Variants in ANXA4 observed in about 807,000 individuals in gnomAD.
ANXA4 encodes the protein 35-beta calcimedin.
ANXA4 carries 39 observed loss-of-function variants against 49.8 expected under a neutral mutation model. The ratio of observed to expected loss-of-function variants is 0.78; its 90% CI spans 0.61 to 1.02. ANXA4 has a LOEUF of 1.02. Ranked by LOEUF, ANXA4 falls within the 50% of genes least tolerant of loss-of-function variation. ANXA4 has a pLI of 0.00. For missense variants in ANXA4, 360 were observed against 410.1 expected (o/e 0.88, Z 1.05); for synonymous variants, 134 against 152.5 (o/e 0.88, Z 0.89).
At chr2:69,760,266 A>C (rs780544387) in intron 1 of ANXA4, among the ~76,000 whole-genome samples, 2 of 152,228 alleles carry the variant, frequency 1.3e-5, no homozygotes, top group Non-Finnish European at 2.9e-5. Flanking sequence ...AACAGTAGTG[A>C]AAAGAGTGAT....
chr2:69,757,508 C>T (rs141724077), intron 1 of ANXA4, among the ~76,000 whole-genome samples: 3,857 of 144,190 alleles, frequency 0.027, 172 homozygotes, highest in African/African-American at 0.093. Context: ...CTCCTGACCT[C>T]GTCATCCGCC....
intron 1 of ANXA4, among the ~76,000 whole-genome samples, chr2:69,773,113 T>C (rs1007273205): frequency 6.6e-6 from 1 of 152,232 alleles, no homozygotes; most frequent in Non-Finnish European, 1.5e-5. Context: ...TATATTACAC[T>C]GTGTGCTGTC....
At chr2:69,812,269 C>A (rs1673739752) in intron 7 of ANXA4, among the ~76,000 whole-genome samples, 1 of 152,078 alleles carries the variant, frequency 6.6e-6, no homozygotes, top group African/African-American at 2.4e-5. Flanking sequence ...ACATGCACAT[C>A]CCGACCCCCT....
At chr2:69,693,367 G>A (rs902314395) in intron 2 of ANXA4, among the ~76,000 whole-genome samples, 5 of 152,122 alleles carry the variant, frequency 3.3e-5, no homozygotes, top group Non-Finnish European at 7.4e-5. Context: ...AGGAAGACAC[G>A]GGAGGTAGCA....
At chr2:69,814,262 A>G (rs1193662136) in intron 8 of ANXA4, among the ~76,000 whole-genome samples, 1 of 152,020 alleles carries the variant, frequency 6.6e-6, no homozygotes, top group Non-Finnish European at 1.5e-5. Context: ...AAGCATTCCA[A>G]TAGAAACAAT....
At chr2:69,724,871 T>A (rs1044012737) in intron 3 of ANXA4, among the ~76,000 whole-genome samples, 1 of 89,042 alleles carries the variant, frequency 1.1e-5, no homozygotes, top group South Asian at 2.9e-4. Flanking sequence ...TTCCTGAGGA[T>A]GGAATTTGAG....
intron 2 of ANXA4, among the ~76,000 whole-genome samples, chr2:69,658,886 C>CGGGGTTTCACCATGTTGGTCAGG (rs1477383732): frequency 6.6e-6 from 1 of 152,016 alleles, no homozygotes; most frequent in Non-Finnish European, 1.5e-5. Context: ...TTAGTAGAGA[C>CGGGGTTTCACCATGTTGGTCAGG]GGGGTTTCAC....
At chr2:69,696,554 T>C (rs770033542) in intron 2 of ANXA4, among the ~76,000 whole-genome samples, 36 of 152,220 alleles carry the variant, frequency 2.4e-4, no homozygotes, top group Non-Finnish European at 2.1e-4. Context: ...TATAATAACA[T>C]CTAAAATGGT....
At chr2:69,716,833 TG>T (rs1461555443) in intron 2 of ANXA4, among the ~76,000 whole-genome samples, 1 of 152,212 alleles carries the variant, frequency 6.6e-6, no homozygotes, top group Admixed American at 6.5e-5. Flanking sequence ...TACATTTAAA[TG>T]GAATTGTCCA....
intron 2 of ANXA4, among the ~76,000 whole-genome samples, chr2:69,689,678 G>T (rs1677899617): frequency 6.6e-6 from 1 of 152,070 alleles, no homozygotes; most frequent in Admixed American, 6.5e-5. Flanking sequence ...GTTCCTTCCT[G>T]TGTGGTTATT....
At chr2:69,775,065 T>G (rs1458783870) in intron 1 of ANXA4, among the ~76,000 whole-genome samples, 11 of 152,234 alleles carry the variant, frequency 7.2e-5, no homozygotes, top group Non-Finnish European at 1.5e-4. Context: ...TTCAGGAAGT[T>G]TATGATACTG....
chr2:69,696,721 G>A (rs577856220), intron 2 of ANXA4, among the ~76,000 whole-genome samples: 12 of 152,222 alleles, frequency 7.9e-5, no homozygotes, highest in Admixed American at 1.3e-4. Context: ...TGGATGTTGT[G>A]TTAGCAGGCA....
At chr2:69,706,494 G>A (rs1252872465) in intron 2 of ANXA4, among the ~76,000 whole-genome samples, 2 of 151,574 alleles carry the variant, frequency 1.3e-5, no homozygotes, top group East Asian at 3.9e-4. Flanking sequence ...AGAGACGGGG[G>A]TTTCGCCAGT....
At chr2:69,814,058 A>G (rs1292098276) in intron 8 of ANXA4, among the ~76,000 whole-genome samples, 3 of 151,584 alleles carry the variant, frequency 2.0e-5, no homozygotes, top group Non-Finnish European at 4.4e-5. Flanking sequence ...GCGCCTGACC[A>G]TAGACCCAGT....
chr2:69,819,146 C>T, intron 10 of ANXA4, 134 bp from the exon 11 acceptor site: 1 of 616,666 alleles, frequency 1.6e-6, no homozygotes, highest in Non-Finnish European at 2.8e-6. Context: ...GTTCATGAAA[C>T]ATTGCTTGGC....
At chr2:69,669,123 T>G (rs12105454) in intron 2 of ANXA4, among the ~76,000 whole-genome samples, 2,660 of 151,472 alleles carry the variant, frequency 0.018, 82 homozygotes, top group African/African-American at 0.059. Context: ...TTTTGTATTT[T>G]TAGTAGAGAT....
intron 2 of ANXA4, among the ~76,000 whole-genome samples, chr2:69,786,043 C>T (rs945337231): frequency 3.3e-5 from 5 of 152,174 alleles, no homozygotes; most frequent in Non-Finnish European, 7.4e-5. Flanking sequence ...TAGACTTATA[C>T]CGTATAACCA....
chr2:69,767,345 C>T (rs1230178594), intron 1 of ANXA4, among the ~76,000 whole-genome samples: 1 of 152,124 alleles, frequency 6.6e-6, no homozygotes, highest in African/African-American at 2.4e-5. Context: ...ATTCAGATAC[C>T]CCGAAGTCAT....
intron 3 of ANXA4, among the ~76,000 whole-genome samples, chr2:69,728,602 T>G (rs1670020991): frequency 6.6e-6 from 1 of 152,224 alleles, no homozygotes; most frequent in Non-Finnish European, 1.5e-5. Flanking sequence ...ATCCAACTGA[T>G]CTAGCATCAT....
Sources: allele counts gnomAD v4.1 joint callset (sites outside exome capture counted in the v4.1 genomes callset), GRCh38; gene constraint gnomAD v4.1.1; transcripts MANE v1.5; gene names NCBI Gene and HGNC (gene_info 2026-07-23, HGNC 2026-07-21).